XDH: variants seen among roughly 807,000 people sequenced by gnomAD.
XDH encodes xanthine dehydrogenase/oxidase.
In XDH, 138 loss-of-function variants were observed where a neutral mutation model predicts 156.1. The observed-to-expected ratio is 0.88, with a 90% CI of 0.77 to 1.02. XDH has a LOEUF of 1.02. Ranked by LOEUF, XDH falls within the 50% of genes least tolerant of loss-of-function variation. The probability of loss-of-function intolerance (pLI) is 0.00; values close to 1 mark genes in which losing one functional copy is unlikely to be tolerated. For missense variants in XDH, 1,849 were observed against 1,684.9 expected (o/e 1.10, Z -1.71); for synonymous variants, 669 against 625.7 (o/e 1.07, Z -1.03).
In XDH at chr2:31,347,528, G is replaced by A. The variant is rs200121710; in HGVS notation, c.3270C>T (p.Ala1090=). ...ASVSADLNGQ[A]VYAACQTILK... is the part of the protein sequence containing the mutation. ...GATCCCATGGGCTCCTTACATAGAC[G>A]GCCTGTCCATTGAGGTCAGCGCTGA... The change falls in exon 29 of 36, where the codon GCC becomes GCT. Residue 1090 remains alanine, a synonymous_variant. Coordinates refer to ENST00000379416, the MANE Select transcript of XDH (RefSeq NM_000379.4). The A allele has an allele frequency of 6.6e-5, 106 of 1,613,882 alleles. 1 individual carries two copies. The highest frequency in any genetic ancestry group is 8.9e-5 in the East Asian group (4 of 44,856).
intron 24 of XDH, among the ~76,000 whole-genome samples, chr2:31,361,672 A>G (rs770123370): frequency 6.6e-5 from 10 of 152,222 alleles, no homozygotes; most frequent in African/African-American, 2.4e-4. Flanking sequence ...TTTAAGCACT[A>G]TGACTTACAG....
intron 13 of XDH, among the ~76,000 whole-genome samples, chr2:31,378,134 G>GAA (rs1686317432): frequency 1.2e-5 from 1 of 81,244 alleles, no homozygotes; most frequent in East Asian, 3.7e-4. Context: ...AAGGAAGGAA[G>GAA]GAAGGAAGGA....
At chr2:31,342,037 T>C in intron 32 of XDH, 146 bp downstream of exon 32, 1 of 725,916 alleles carries the variant, frequency 1.4e-6, no homozygotes, top group Non-Finnish European at 2.4e-6. Flanking sequence ...ACTTACTCTG[T>C]GGCCCTTTAT....
At chr2:31,409,174 G>A (rs1437970800) in intron 1 of XDH, among the ~76,000 whole-genome samples, 1 of 152,026 alleles carries the variant, frequency 6.6e-6, no homozygotes, top group Non-Finnish European at 1.5e-5. Flanking sequence ...AAGTAGGGAT[G>A]GCTAATAGGT....
At chr2:31,387,109 G>C (rs1558307833) in intron 8 of XDH, among the ~76,000 whole-genome samples, 1 of 152,172 alleles carries the variant, frequency 6.6e-6, no homozygotes. Flanking sequence ...ACTGGGCTGA[G>C]AACGAAGCCC....
At chr2:31,387,003 GGAAGGAAGGAAGGAAGGAAGGAA>G (rs1686625127) in intron 8 of XDH, among the ~76,000 whole-genome samples, 1 of 21,990 alleles carries the variant, frequency 4.5e-5, no homozygotes, top group African/African-American at 2.2e-4. Flanking sequence ...AAGGAAGGAA[GGAAGGAAGGAAGGAAGGAAGGAA>G]GGAAGGAAGG....
chr2:31,347,409 G>T, intron 29 of XDH, 113 bp downstream of exon 29: 1 of 1,524,428 alleles, frequency 6.6e-7, no homozygotes, highest in South Asian at 1.2e-5. Context: ...CCAGAGGCCT[G>T]GCCAGAGCCA....
chr2:31,412,929 T>C (rs945092863), intron 1 of XDH, among the ~76,000 whole-genome samples: 2 of 152,198 alleles, frequency 1.3e-5, no homozygotes, highest in African/African-American at 4.8e-5. Context: ...CTTCTAGAAA[T>C]AATAGGATTT....
intron 6 of XDH, among the ~76,000 whole-genome samples, chr2:31,396,358 G>A (rs1194286316): frequency 6.6e-6 from 1 of 152,152 alleles, no homozygotes; most frequent in African/African-American, 2.4e-5. Context: ...TTCTTATGAA[G>A]TAAATAGAGG....
rs145413551 is a variant in XDH at position 31,397,700 on chromosome 2, G to T, written c.463C>A (p.Pro155Thr). 6.2e-5 allele frequency: 100 copies of T among 1,614,220 alleles called. No individual in the cohort carries two copies. In the African/African-American group the frequency reaches 1.1e-3, roughly 17 times the overall value. Residue 155 changes from proline to threonine, a missense_variant, in exon 6 of 36, where the codon CCC becomes ACC. Transcript: ENST00000379416. ...AAGGTCCGGAAGCCCTGGAGGATGG[G>T]TCTGTAGCCTGTGCAGCGGCACAGA... ...GNLCRCTGYRPILQGFRTFAR... is the reference protein window; with the variant it reads ...GNLCRCTGYRTILQGFRTFAR...
At chr2:31,360,531 G>A (rs1295417642) in intron 24 of XDH, among the ~76,000 whole-genome samples, 2 of 152,108 alleles carry the variant, frequency 1.3e-5, no homozygotes, top group Admixed American at 1.3e-4. Context: ...TAAATCACAA[G>A]CTGTCCTGAG....
intron 28 of XDH, 75 bp downstream of exon 28, chr2:31,348,193 A>G: frequency 6.8e-7 from 1 of 1,477,016 alleles, no homozygotes; most frequent in Non-Finnish European, 9.4e-7. Flanking sequence ...TTCTGCTCTG[A>G]TAGGTCCCAC....
chr2:31,381,832 C>A (rs1686443707), intron 11 of XDH, 106 bp from the exon 12 acceptor site: 1 of 991,802 alleles, frequency 1.0e-6, no homozygotes, highest in Admixed American at 2.0e-5. Context: ...GCAGGCAAAC[C>A]CCTGAGGTCC....
At chr2:31,342,742 AG>A (rs1685161835) in intron 31 of XDH, among the ~76,000 whole-genome samples, 1 of 151,564 alleles carries the variant, frequency 6.6e-6, no homozygotes, top group African/African-American at 2.4e-5. Flanking sequence ...AAGGTGAGAA[AG>A]TTAATAAGAT....
At chr2:31,347,278 C>T (rs1344934376) in intron 29 of XDH, among the ~76,000 whole-genome samples, 2 of 152,318 alleles carry the variant, frequency 1.3e-5, no homozygotes, top group South Asian at 2.1e-4. Flanking sequence ...TGCTTTCCCT[C>T]GGTATCCTCA....
chr2:31,368,070 A>T lies in XDH; in HGVS notation c.2101-13T>A. ...TCTTTATAGCATCCTGAGGATCACAAAGAAGTTTCAGAAATGTGGCTTTTA... is the reference window on the plus strand; with the variant it reads ...TCTTTATAGCATCCTGAGGATCACATAGAAGTTTCAGAAATGTGGCTTTTA... On this transcript the variant is annotated splice_polypyrimidine_tract_variant and intron_variant, in intron 19 of 35. Transcript: ENST00000379416. The T allele has an allele frequency of 6.2e-7, 1 of 1,613,406 alleles. No homozygotes were observed. The highest frequency in any genetic ancestry group is 8.5e-7 in the Non-Finnish European group (1 of 1,179,344).
chr2:31,340,028 A>G (rs977440600), intron 33 of XDH, among the ~76,000 whole-genome samples: 1 of 152,230 alleles, frequency 6.6e-6, no homozygotes, highest in Non-Finnish European at 1.5e-5. Flanking sequence ...GATTTATTCG[A>G]TAGTAGATTC....
At chr2:31,351,119 T>G (rs764732628) in intron 24 of XDH, among the ~76,000 whole-genome samples, 9 of 152,274 alleles carry the variant, frequency 5.9e-5, no homozygotes, top group East Asian at 1.9e-4. Context: ...CCTCCAGCCC[T>G]CACCCCTACC....
At chr2:31,349,127 T>C (rs973309199) in intron 26 of XDH, 147 bp from the exon 27 acceptor site, 5 of 764,348 alleles carry the variant, frequency 6.5e-6, no homozygotes, top group Non-Finnish European at 1.1e-5. Flanking sequence ...CACCAGGGGG[T>C]CTTGTCAACA....
Sources: allele counts gnomAD v4.1 joint callset (sites outside exome capture counted in the v4.1 genomes callset), GRCh38; gene constraint gnomAD v4.1.1; transcripts MANE v1.5; gene names NCBI Gene and HGNC (gene_info 2026-07-23, HGNC 2026-07-21).